The following PLCB1 variants were observed in gnomAD, a reference collection of about 807,000 sequenced individuals.
The protein encoded by PLCB1 is 1-phosphatidylinositol 4,5-bisphosphate phosphodiesterase beta-1.
In PLCB1, 46 loss-of-function variants were observed where a neutral mutation model predicts 161.8. The ratio of observed to expected loss-of-function variants is 0.28; its 90% CI spans 0.22 to 0.36. The LOEUF (loss-of-function observed/expected upper bound fraction) is 0.36. PLCB1 is among the 10% of genes least tolerant of loss of function. The probability of loss-of-function intolerance (pLI) is 1.00; values close to 1 mark genes in which losing one functional copy is unlikely to be tolerated. For missense variants in PLCB1, 1,016 were observed against 1,472.5 expected (o/e 0.69, Z 5.07); for synonymous variants, 517 against 503.7 (o/e 1.03, Z -0.35).
chr20:8,812,439 G>C (rs1052013305), intron 31 of PLCB1, among the ~76,000 whole-genome samples: 1 of 151,386 alleles, frequency 6.6e-6, no homozygotes, highest in African/African-American at 2.4e-5. Flanking sequence ...TGGTGTGAGC[G>C]GGGGCTGGTG....
chr20:8,656,564 AT>A (rs1989462686), intron 7 of PLCB1, among the ~76,000 whole-genome samples: 1 of 152,082 alleles, frequency 6.6e-6, no homozygotes, highest in Non-Finnish European at 1.5e-5. Flanking sequence ...GGCCTTTTAT[AT>A]CAATGACTTG....
intron 26 of PLCB1, among the ~76,000 whole-genome samples, chr20:8,766,576 T>A (rs1982327388): frequency 6.6e-6 from 1 of 152,240 alleles, no homozygotes; most frequent in Non-Finnish European, 1.5e-5. Flanking sequence ...GGAATCCCAC[T>A]GCTAGGTTCT....
intron 31 of PLCB1, among the ~76,000 whole-genome samples, chr20:8,858,960 T>C (rs560262545): frequency 6.7e-6 from 1 of 150,162 alleles, no homozygotes; most frequent in East Asian, 2.0e-4. Context: ...GGACAGATAG[T>C]TCCTCTTTAG....
At chr20:8,450,640 C>T (rs1009129707) in intron 3 of PLCB1, among the ~76,000 whole-genome samples, 12 of 152,084 alleles carry the variant, frequency 7.9e-5, no homozygotes, top group South Asian at 4.1e-4. Flanking sequence ...ATATATTTTT[C>T]TATAACCTTG....
chr20:8,644,766 G>A (rs1345788547), intron 4 of PLCB1, among the ~76,000 whole-genome samples: 26 of 151,416 alleles, frequency 1.7e-4, no homozygotes, highest in Admixed American at 3.3e-4. Flanking sequence ...GCCTCTGCCC[G>A]GCCGCCCCTA....
Position 8,181,701 on chromosome 20 carries a change from G to A in PLCB1, c.177+31330G>A, listed in dbSNP as rs1241012820. 3.3e-5 allele frequency among the ~76,000 whole-genome samples: 5 copies of A among 152,212 alleles called. No homozygotes were observed. The East Asian group carries it at 9.7e-4, about 29-fold the overall frequency. On this transcript the variant is annotated intron_variant, in intron 2 of 31. Coordinates refer to ENST00000338037, the MANE Select transcript of PLCB1 (RefSeq NM_015192.4). The stretch of plus-strand genomic sequence containing the variant: ...TATTAATAGCTACCACTGGCTGTTC[G>A]TGGTGGCTCACACCTGTAATCCCAG...
chr20:8,170,237 T>G (rs951991081), intron 2 of PLCB1, among the ~76,000 whole-genome samples: 1 of 152,190 alleles, frequency 6.6e-6, no homozygotes, highest in African/African-American at 2.4e-5. Context: ...AAAATCTTAC[T>G]GACTCTAGGA....
At chr20:8,593,186 T>C (rs1987204816) in intron 3 of PLCB1, among the ~76,000 whole-genome samples, 1 of 152,112 alleles carries the variant, frequency 6.6e-6, no homozygotes, top group Non-Finnish European at 1.5e-5. Flanking sequence ...ATACTTAGTT[T>C]TTAAGAGACA....
chr20:8,590,962 T>C (rs971250305), intron 3 of PLCB1, among the ~76,000 whole-genome samples: 2 of 152,274 alleles, frequency 1.3e-5, no homozygotes, highest in Non-Finnish European at 2.9e-5. Flanking sequence ...TGTTTCCTAA[T>C]GTTCTCCCTC....
At chr20:8,318,222 AG>A (rs1984747655) in intron 2 of PLCB1, among the ~76,000 whole-genome samples, 1 of 152,156 alleles carries the variant, frequency 6.6e-6, no homozygotes, top group African/African-American at 2.4e-5. Flanking sequence ...AGGACTTAAA[AG>A]TCTTTTGACT....
intron 3 of PLCB1, among the ~76,000 whole-genome samples, chr20:8,573,848 C>A (rs904831806): frequency 6.6e-6 from 1 of 152,124 alleles, no homozygotes; most frequent in African/African-American, 2.4e-5. Flanking sequence ...GAAAACAGAA[C>A]AAAAGGCCAA....
At chr20:8,382,790 G>C (rs972791834) in intron 3 of PLCB1, among the ~76,000 whole-genome samples, 1 of 151,926 alleles carries the variant, frequency 6.6e-6, no homozygotes, top group African/African-American at 2.4e-5. Context: ...CTCATGACCA[G>C]CCCACCTCGG....
intron 2 of PLCB1, among the ~76,000 whole-genome samples, chr20:8,179,132 A>G (rs190059587): frequency 3.3e-5 from 5 of 152,214 alleles, no homozygotes; most frequent in East Asian, 1.9e-4. Context: ...TTTTGATTCC[A>G]TATGAATTTT....
rs185787077 is a variant in PLCB1 at position 8,800,768 on chromosome 20, A to G, written c.3423+10507A>G. On this transcript the variant is annotated intron_variant, in intron 31 of 31. Coordinates refer to ENST00000338037, the MANE Select transcript of PLCB1 (RefSeq NM_015192.4). ...GCAAAATACACAGTGAGCTGTTACA[A>G]TTCTTAAGTTTCTTATTGGGTCTGT... 3.0e-4 allele frequency among the ~76,000 whole-genome samples: 45 copies of G among 152,294 alleles called. 1 individual carries two copies. Among genetic ancestry groups the G allele is most frequent in the South Asian group, 4.1e-4 (2 of 4,822 alleles).
chr20:8,469,292 T>A (rs80085211), intron 3 of PLCB1, among the ~76,000 whole-genome samples: 2 of 152,306 alleles, frequency 1.3e-5, no homozygotes, highest in African/African-American at 4.8e-5. Flanking sequence ...TCAGATTATA[T>A]ATAGGAGAAC....
intron 3 of PLCB1, among the ~76,000 whole-genome samples, chr20:8,541,296 A>G (rs1418566078): frequency 6.6e-6 from 1 of 152,162 alleles, no homozygotes. Context: ...CTATTCCAAG[A>G]TGTTTAGGCT....
At chr20:8,506,888 T>C (rs1983657413) in intron 3 of PLCB1, among the ~76,000 whole-genome samples, 1 of 152,168 alleles carries the variant, frequency 6.6e-6, no homozygotes, top group South Asian at 2.1e-4. Context: ...ATTCATATAA[T>C]AAAACTATAG....
rs1299681360 is a variant in PLCB1 at position 8,790,238 on chromosome 20, C to G, written c.3400C>G (p.Gln1134Glu). The change falls in exon 31 of 32, where the codon CAG (glutamine) becomes GAG (glutamate). Residue 1134 changes from glutamine (Q) to glutamate (E), a missense_variant. This residue lies in a region of PLCB1 where 398 missense variants were observed against 445.4 expected (regional missense o/e 0.89). Coordinates refer to ENST00000338037, the MANE Select transcript of PLCB1 (RefSeq NM_015192.4). ...AGAGAAACACAAGGAAATACGTCAG[C>G]AGATCCTGGATGAAAAGCCCAAGGT... The part of the protein sequence containing the change: ...LVEKHKEIRQ[Q>E]ILDEKPKLQV... 1 of 1,611,174 alleles carries G rather than the reference C, an allele frequency of 6.2e-7. No individual in the cohort carries two copies. Among genetic ancestry groups the G allele is most frequent in the Admixed American group, 1.7e-5 (1 of 59,970 alleles).
chr20:8,534,210 C>T (rs1984949983), intron 3 of PLCB1, among the ~76,000 whole-genome samples: 2 of 152,142 alleles, frequency 1.3e-5, no homozygotes, highest in Non-Finnish European at 2.9e-5. Context: ...TCAAGGAACA[C>T]TCCTAGCCTC....
Sources: allele counts gnomAD v4.1 joint callset (sites outside exome capture counted in the v4.1 genomes callset), GRCh38; gene constraint gnomAD v4.1.1; regional missense constraint gnomAD v4.1.1; transcripts MANE v1.5; gene names NCBI Gene and HGNC (gene_info 2026-07-23, HGNC 2026-07-21).